Variants in IFNGR2 observed in about 807,000 individuals in gnomAD.
IFNGR2 encodes IFN-gamma receptor 2.
IFNGR2 carries 15 observed loss-of-function variants against 41.1 expected under a neutral mutation model. That is an observed-to-expected ratio of 0.37 (90% CI 0.24 to 0.56). The LOEUF (loss-of-function observed/expected upper bound fraction) is 0.56, where lower values mean the gene tolerates loss of function less well. Ranked by LOEUF, IFNGR2 falls within the 20% of genes least tolerant of loss-of-function variation. The pLI is 0.81. For synonymous variants in IFNGR2, 161 were observed against 171.6 expected (o/e 0.94, Z 0.48); for missense variants, 362 against 415.7 (o/e 0.87, Z 1.12).
At chr21:33,406,571 T>C (rs2083679020) in intron 1 of IFNGR2, among the ~76,000 whole-genome samples, 1 of 151,900 alleles carries the variant, frequency 6.6e-6, no homozygotes, top group Non-Finnish European at 1.5e-5. Flanking sequence ...GTAGAAAGGT[T>C]TTCACACTTT....
chr21:33,433,525 T>C (rs1403590407), intron 6 of IFNGR2, among the ~76,000 whole-genome samples: 1 of 152,172 alleles, frequency 6.6e-6, no homozygotes, highest in Non-Finnish European at 1.5e-5. Context: ...AAAAGGATAC[T>C]GTCTGCTTCC....
At chr21:33,415,059 T>C in intron 2 of IFNGR2, 39 bp downstream of exon 2, 1 of 1,612,944 alleles carries the variant, frequency 6.2e-7, no homozygotes, top group Non-Finnish European at 8.5e-7. Context: ...CTGGGAGCTG[T>C]GGGGGCATCG....
At chr21:33,410,089 A>C (rs28653198) in intron 1 of IFNGR2, among the ~76,000 whole-genome samples, 31,181 of 140,912 alleles carry the variant, frequency 0.22, 3,977 homozygotes, top group East Asian at 0.43. Flanking sequence ...GCAGTTACAG[A>C]TATATTACAG....
intron 1 of IFNGR2, among the ~76,000 whole-genome samples, chr21:33,407,927 A>G (rs1352084388): frequency 6.9e-6 from 1 of 144,380 alleles, no homozygotes; most frequent in African/African-American, 2.6e-5. Context: ...CTGGCCTAGT[A>G]TTTCTTGAAG....
chr21:33,414,084 T>C (rs1250159209), intron 1 of IFNGR2, among the ~76,000 whole-genome samples: 1 of 152,132 alleles, frequency 6.6e-6, no homozygotes, highest in African/African-American at 2.4e-5. Context: ...CTGCCTTCCT[T>C]GGCCTCCCAC....
chr21:33,409,297 G>C (rs943792753), intron 1 of IFNGR2, among the ~76,000 whole-genome samples: 1 of 150,984 alleles, frequency 6.6e-6, no homozygotes, highest in Admixed American at 6.6e-5. Context: ...GTGAAACCTC[G>C]TCTCTCCTAA....
chr21:33,437,340 C>T lies in IFNGR2; in HGVS notation c.*378C>T, dbSNP rs775802251. ...GTCGTCTTGACTTTGGCAAATGAGCCGGAGCCCCTTGGGCAGGTCACACAA... is the reference window on the plus strand; with the variant it reads ...GTCGTCTTGACTTTGGCAAATGAGCTGGAGCCCCTTGGGCAGGTCACACAA... On this transcript the variant is annotated 3_prime_UTR_variant, in exon 7 of 7. Transcript: ENST00000290219. The T allele has an allele frequency of 2.0e-5, 5 of 250,280 alleles. No individual in the cohort carries two copies. The highest frequency in any genetic ancestry group is 4.0e-5 in the Non-Finnish European group (5 of 126,254). 15.5% of individuals were successfully genotyped at this position (250,280 alleles called of 1,614,324 possible). A position where few individuals can be genotyped will look rare whatever the true frequency, so the allele number is the denominator to read the frequency against.
intron 2 of IFNGR2, among the ~76,000 whole-genome samples, chr21:33,416,502 G>A (rs1236247830): frequency 6.6e-6 from 1 of 152,098 alleles, no homozygotes; most frequent in South Asian, 2.1e-4. Flanking sequence ...GAAAGGGGCC[G>A]ATCATGGTGG....
intron 4 of IFNGR2, 76 bp downstream of exon 4, chr21:33,427,108 A>C: frequency 7.7e-7 from 1 of 1,305,040 alleles, no homozygotes; most frequent in Middle Eastern, 1.9e-4. Flanking sequence ...AGAAACCTTT[A>C]ACATGGGCAA....
At chr21:33,429,098 A>C (rs1394767245) in intron 4 of IFNGR2, among the ~76,000 whole-genome samples, 1 of 152,202 alleles carries the variant, frequency 6.6e-6, no homozygotes, top group Non-Finnish European at 1.5e-5. Flanking sequence ...CGTGTATAAA[A>C]TGAAACAACT....
intron 6 of IFNGR2, among the ~76,000 whole-genome samples, chr21:33,434,984 C>CA (rs1369234036): frequency 6.6e-6 from 1 of 152,194 alleles, no homozygotes; most frequent in East Asian, 1.9e-4. Context: ...CTCTGAGTTA[C>CA]ATGGGAACAG....
chr21:33,437,156 A>G lies in IFNGR2; in HGVS notation c.*194A>G. ...TTTTTTTTTCTTAAAGAATTTTCAAAATCAAATTCCAGAATGATTTTACGG... is the reference window on the plus strand; with the variant it reads ...TTTTTTTTTCTTAAAGAATTTTCAAGATCAAATTCCAGAATGATTTTACGG... On this transcript the variant is annotated 3_prime_UTR_variant, in exon 7 of 7. Coordinates refer to ENST00000290219, the MANE Select transcript of IFNGR2 (RefSeq NM_005534.4). The G allele has an allele frequency of 1.7e-6, 1 of 576,216 alleles. No individual in the cohort carries two copies. Among genetic ancestry groups the G allele is most frequent in the South Asian group, 2.1e-5 (1 of 47,692 alleles). 35.7% of individuals were successfully genotyped at this position (576,216 alleles called of 1,614,324 possible). A position where few individuals can be genotyped will look rare whatever the true frequency, so the allele number is the denominator to read the frequency against.
chr21:33,436,920 G>A lies in IFNGR2; in HGVS notation c.972G>A (p.Ser324=), dbSNP rs757155988. Residue 324 remains serine, a synonymous_variant, in exon 7 of 7, where the codon TCG becomes TCA. Coordinates refer to ENST00000290219, the MANE Select transcript of IFNGR2 (RefSeq NM_005534.4). Reference sequence around the variant, plus strand: ...TCTGGGACTCTGTGTCCATTATCTCGTTTCCGGAAAAGGAGCAAGAAGATG... The same window carrying A: ...TCTGGGACTCTGTGTCCATTATCTCATTTCCGGAAAAGGAGCAAGAAGATG... ...DDVWDSVSII[S]FPEKEQEDVL... 5.6e-6 allele frequency: 9 copies of A among 1,613,800 alleles called. No homozygotes were observed. Among genetic ancestry groups the A allele is most frequent in the African/African-American group, 2.7e-5 (2 of 74,852 alleles).
chr21:33,433,640 C>T (rs2083912903), intron 6 of IFNGR2, among the ~76,000 whole-genome samples: 1 of 152,012 alleles, frequency 6.6e-6, no homozygotes, highest in Admixed American at 6.6e-5. Context: ...TGAATGGGGC[C>T]AGAGTTTCAG....
chr21:33,415,821 T>C (rs1164724417), intron 2 of IFNGR2, among the ~76,000 whole-genome samples: 2 of 152,168 alleles, frequency 1.3e-5, no homozygotes, highest in African/African-American at 4.8e-5. Flanking sequence ...CATAGTAGTT[T>C]TCCAATGTGT....
intron 6 of IFNGR2, among the ~76,000 whole-genome samples, chr21:33,436,003 G>A (rs1034501632): frequency 6.6e-6 from 1 of 151,980 alleles, no homozygotes; most frequent in Non-Finnish European, 1.5e-5. Flanking sequence ...GGAAGTTGCA[G>A]TGAGCCGAGA....
chr21:33,428,682 G>A (rs1354529546), intron 4 of IFNGR2, among the ~76,000 whole-genome samples: 1 of 152,222 alleles, frequency 6.6e-6, no homozygotes, highest in Non-Finnish European at 1.5e-5. Context: ...GAATCCAGAA[G>A]AGAGACTCTG....
intron 1 of IFNGR2, among the ~76,000 whole-genome samples, chr21:33,408,672 A>G (rs1458902783): frequency 6.6e-6 from 1 of 152,214 alleles, no homozygotes; most frequent in Non-Finnish European, 1.5e-5. Context: ...GAATGTAGAG[A>G]ATAGTCTACT....
intron 1 of IFNGR2, among the ~76,000 whole-genome samples, chr21:33,405,424 G>C (rs2083670908): frequency 6.6e-6 from 1 of 152,148 alleles, no homozygotes; most frequent in East Asian, 1.9e-4. Context: ...TCCTGACTCT[G>C]CTTCCACTTG....
Sources: allele counts gnomAD v4.1 joint callset (sites outside exome capture counted in the v4.1 genomes callset), GRCh38; gene constraint gnomAD v4.1.1; transcripts MANE v1.5; gene names NCBI Gene and HGNC (gene_info 2026-07-23, HGNC 2026-07-21).